The following SOX5 variants were observed in gnomAD, a reference collection of about 807,000 sequenced individuals.
The protein encoded by SOX5 is transcription factor SOX-5.
SOX5 carries 9 observed loss-of-function variants against 92.0 expected under a neutral mutation model. That is an observed-to-expected ratio of 0.10 (90% confidence interval 0.06 to 0.17). SOX5 has a LOEUF of 0.17. Among genes scored for constraint, SOX5 ranks in the 10% least tolerant of loss-of-function variants. The pLI is 1.00. For missense variants in SOX5, 642 were observed against 944.5 expected (o/e 0.68, Z 4.20); for synonymous variants, 344 against 336.3 (o/e 1.02, Z -0.25).
chr12:24,422,351 C>CA (rs1033857244), intron 1 of SOX5, among the ~76,000 whole-genome samples: 12 of 152,116 alleles, frequency 7.9e-5, no homozygotes, highest in African/African-American at 1.7e-4. Context: ...GTAATTCTAT[C>CA]AAAAAAATAT....
In SOX5 at chr12:23,534,127, G is replaced by A. The variant is rs759600869; in HGVS notation, c.*92C>T. On this transcript the variant is annotated 3_prime_UTR_variant, in exon 15 of 15. Transcript: ENST00000451604. Reference sequence around the variant, plus strand: ...ACTAACAGTTAAAGTAACAGTCAGTGTATGAGAAAGTTAATGTGCTTGGCC... The same window carrying A: ...ACTAACAGTTAAAGTAACAGTCAGTATATGAGAAAGTTAATGTGCTTGGCC... 1.4e-5 allele frequency: 14 copies of A among 1,000,044 alleles called. No individual in the cohort carries two copies. The highest frequency in any genetic ancestry group is 4.8e-5 in the African/African-American group (3 of 62,442). 61.9% of individuals were successfully genotyped at this position (1,000,044 alleles called of 1,614,324 possible).
intron 4 of SOX5, among the ~76,000 whole-genome samples, chr12:24,174,108 C>T (rs908450566): frequency 3.9e-5 from 6 of 152,056 alleles, no homozygotes; most frequent in African/African-American, 1.4e-4. Flanking sequence ...AGTGATCCTC[C>T]AGCCTCAGCC....
intron 1 of SOX5, among the ~76,000 whole-genome samples, chr12:23,923,675 A>C (rs1939122009): frequency 6.6e-6 from 1 of 152,122 alleles, no homozygotes; most frequent in African/African-American, 2.4e-5. Flanking sequence ...AATAACAGCC[A>C]ATTTTGGGGT....
At chr12:23,592,850 G>C (rs1224580238) in intron 9 of SOX5, among the ~76,000 whole-genome samples, 1 of 152,128 alleles carries the variant, frequency 6.6e-6, no homozygotes, top group Non-Finnish European at 1.5e-5. Flanking sequence ...AAGCTGAGGC[G>C]TGTGGATCAC....
At chr12:23,951,653 T>TATAC (rs1555448389), upstream of SOX5, among the ~76,000 whole-genome samples, 10 of 151,582 alleles carry the variant, frequency 6.6e-5, no homozygotes, top group Non-Finnish European at 1.5e-4. Flanking sequence ...AATATATATA[T>TATAC]ACACACACAC....
At position 23,747,972 on chromosome 12, in the gene SOX5, A is replaced by AC. The variant is rs1298961992; in HGVS notation, c.569-6934_569-6933insG. 6.6e-5 allele frequency among the ~76,000 whole-genome samples: 10 copies of AC among 151,620 alleles called. No individual in the cohort carries two copies. In the Admixed American group the frequency reaches 6.6e-4, roughly 10 times the overall value. On this transcript the variant is annotated intron_variant, in intron 4 of 14. Coordinates refer to ENST00000451604, the MANE Select transcript of SOX5 (RefSeq NM_006940.6). Reference sequence around the variant, plus strand: ...TAAATGAAAGAGATTAAAAAAAAAAAAAAACGAATACAATCAAATCTATCC... The same window carrying AC: ...TAAATGAAAGAGATTAAAAAAAAAAACAAAACGAATACAATCAAATCTATCC...
chr12:23,659,060 CT>C (rs1395246448), intron 7 of SOX5, among the ~76,000 whole-genome samples: 4 of 152,128 alleles, frequency 2.6e-5, no homozygotes, highest in African/African-American at 9.7e-5. Flanking sequence ...TGGTTTTTAG[CT>C]TGTGATTTTT....
intron 4 of SOX5, among the ~76,000 whole-genome samples, chr12:24,084,371 T>C (rs1943716767): frequency 6.6e-6 from 1 of 152,036 alleles, no homozygotes; most frequent in African/African-American, 2.4e-5. Context: ...CAGAAAAACA[T>C]GGGAGAGCTC....
intron 4 of SOX5, among the ~76,000 whole-genome samples, chr12:24,198,121 G>A (rs1414507274): frequency 2.6e-5 from 4 of 152,136 alleles, no homozygotes; most frequent in Non-Finnish European, 2.9e-5. Context: ...CACACTATAA[G>A]AGAGCAGCCC....
chr12:24,247,995 A>T (rs919942148), intron 3 of SOX5, among the ~76,000 whole-genome samples: 3 of 151,996 alleles, frequency 2.0e-5, no homozygotes, highest in African/African-American at 7.2e-5. Flanking sequence ...AACACCAGAG[A>T]CATTTTCTTT....
At chr12:23,564,046 ATTGT>A (rs1215885865) in intron 10 of SOX5, among the ~76,000 whole-genome samples, 1 of 152,188 alleles carries the variant, frequency 6.6e-6, no homozygotes, top group African/African-American at 2.4e-5. Context: ...AGCACCTGTA[ATTGT>A]TTGATAAGAA....
chr12:23,810,555 T>C (rs767263733), intron 3 of SOX5, among the ~76,000 whole-genome samples: 19 of 152,132 alleles, frequency 1.2e-4, no homozygotes, highest in Non-Finnish European at 4.4e-5. Context: ...TGTTTAGTCT[T>C]CTAGGGCCAT....
intron 3 of SOX5, among the ~76,000 whole-genome samples, chr12:23,798,491 T>A (rs545882719): frequency 5.5e-4 from 83 of 151,354 alleles, no homozygotes; most frequent in African/African-American, 2.0e-3. Context: ...TATAGATGCA[T>A]ACAGAGTTAC....
chr12:24,519,783 A>G (rs1175881475), intron 1 of SOX5, among the ~76,000 whole-genome samples: 1 of 152,204 alleles, frequency 6.6e-6, no homozygotes, highest in Non-Finnish European at 1.5e-5. Context: ...ATTCGTACAC[A>G]TCTTAACAAG....
intron 1 of SOX5, among the ~76,000 whole-genome samples, chr12:24,441,159 C>T (rs1940502370): frequency 6.6e-6 from 1 of 152,180 alleles, no homozygotes; most frequent in African/African-American, 2.4e-5. Context: ...ACAATAATTT[C>T]CTAATAGAAC....
At chr12:24,131,259 C>T (rs1327536085) in intron 4 of SOX5, among the ~76,000 whole-genome samples, 2 of 152,186 alleles carry the variant, frequency 1.3e-5, no homozygotes, top group Non-Finnish European at 2.9e-5. Flanking sequence ...GCTAATTGTA[C>T]TAATTCTCCT....
intron 1 of SOX5, among the ~76,000 whole-genome samples, chr12:24,543,738 TAAC>T (rs769741255): frequency 1.3e-5 from 2 of 152,194 alleles, no homozygotes; most frequent in Non-Finnish European, 1.5e-5. Context: ...ATAAAGCAAT[TAAC>T]AACAAGTAAG....
intron 2 of SOX5, among the ~76,000 whole-genome samples, chr12:23,876,732 T>C (rs191501496): frequency 1.3e-5 from 2 of 152,106 alleles, no homozygotes; most frequent in Non-Finnish European, 2.9e-5. Flanking sequence ...TAACAAAGAC[T>C]TGGAACCAAC....
chr12:23,870,565 A>G (rs1023670647), intron 2 of SOX5, among the ~76,000 whole-genome samples: 1 of 152,130 alleles, frequency 6.6e-6, no homozygotes, highest in African/African-American at 2.4e-5. Flanking sequence ...GCTATACCAG[A>G]TAAGCAATAT....
Sources: gnomAD v4.1 joint callset for allele counts (sites outside exome capture counted in the v4.1 genomes callset) on GRCh38, gnomAD v4.1.1 for gene constraint, MANE v1.5 for transcripts, NCBI Gene and HGNC (gene_info 2026-07-23, HGNC 2026-07-21) for gene names.